SDC4: variants seen among roughly 807,000 people sequenced by gnomAD.
The protein encoded by SDC4 is syndecan 4, also known as syndecan-4.
Under a neutral mutation model 20.5 loss-of-function variants are expected in SDC4, and 17 were observed. The observed-to-expected ratio is 0.83, with a 90% CI of 0.57 to 1.25. The LOEUF (loss-of-function observed/expected upper bound fraction) is 1.25, where lower values mean the gene tolerates loss of function less well. SDC4 is among the 50% of genes most tolerant of loss of function. SDC4 has a pLI of 0.00. For missense variants in SDC4, 241 were observed against 252.3 expected (o/e 0.96, Z 0.30); for synonymous variants, 107 against 105.3 (o/e 1.02, Z -0.10).
At position 45,333,008 on chromosome 20, in the gene SDC4, C is replaced by G; in HGVS notation, c.246+15G>C. The stretch of plus-strand genomic sequence containing the variant: ...AGGAGCAAAGTGGAAGAGGCAGAAG[C>G]ATGTAGCTACTTACCAAGGGATGGA... On this transcript the variant is annotated intron_variant, in intron 3 of 4. Coordinates refer to ENST00000372733, the MANE Select transcript of SDC4 (RefSeq NM_002999.4). 1 of 1,613,518 alleles carries G rather than the reference C, an allele frequency of 6.2e-7. No homozygotes were observed. Among genetic ancestry groups the G allele is most frequent in the Non-Finnish European group, 8.5e-7 (1 of 1,179,392 alleles).
chr20:45,347,106 G>A (rs879001325), intron 1 of SDC4, among the ~76,000 whole-genome samples: 2 of 152,116 alleles, frequency 1.3e-5, no homozygotes, highest in East Asian at 1.9e-4. Context: ...CGACAAAGGC[G>A]CTCCACGTTT....
chr20:45,331,120 G>A (rs1987771206), intron 3 of SDC4, among the ~76,000 whole-genome samples: 1 of 152,144 alleles, frequency 6.6e-6, no homozygotes, highest in Non-Finnish European at 1.5e-5. Context: ...CCCCTTTCTG[G>A]TAACATCTTT....
At chr20:45,327,493 T>C (rs576170685) in intron 4 of SDC4, 78 bp from the exon 5 acceptor site, 1 of 1,465,780 alleles carries the variant, frequency 6.8e-7, no homozygotes, top group South Asian at 1.3e-5. Context: ...TTTCCCCCAC[T>C]GTCAGTTCTC....
chr20:45,336,568 G>C (rs996135370), intron 1 of SDC4, among the ~76,000 whole-genome samples: 1 of 152,094 alleles, frequency 6.6e-6, no homozygotes, highest in African/African-American at 2.4e-5. Flanking sequence ...ATTTTCTTTT[G>C]GTGACACAGC....
At chr20:45,331,282 C>T (rs1458410316) in intron 3 of SDC4, among the ~76,000 whole-genome samples, 1 of 152,132 alleles carries the variant, frequency 6.6e-6, no homozygotes, top group East Asian at 1.9e-4. Flanking sequence ...GACTGAACCC[C>T]TCTCTACCAT....
In SDC4 at chr20:45,335,847, T is replaced by C. The variant is rs781092270; in HGVS notation, c.134A>G (p.Asp45Gly). The C allele has an allele frequency of 1.9e-6, 3 of 1,613,926 alleles. No homozygotes were observed. Among genetic ancestry groups the C allele is most frequent in the East Asian group, 2.2e-5 (1 of 44,858 alleles). Residue 45 changes from aspartate to glycine, a missense_variant, in exon 2 of 5, where the codon GAT becomes GGT. Coordinates refer to ENST00000372733, the MANE Select transcript of SDC4 (RefSeq NM_002999.4). Reference sequence around the variant, plus strand: ...CTGCCCGGGCCCCACTACATCCTCATCGTCTGGTAGGGCTCCGGAGAAGTA... The same window carrying C: ...CTGCCCGGGCCCCACTACATCCTCACCGTCTGGTAGGGCTCCGGAGAAGTA... Reference protein sequence around the residue: ...GRYFSGALPDDEDVVGPGQES... With the variant: ...GRYFSGALPDGEDVVGPGQES...
chr20:45,337,430 A>G (rs1987888518), intron 1 of SDC4, among the ~76,000 whole-genome samples: 2 of 152,166 alleles, frequency 1.3e-5, no homozygotes, highest in South Asian at 4.1e-4. Flanking sequence ...GGACCCAAGG[A>G]GCTCCTGTCC....
At chr20:45,333,356 C>G (rs547072405) in intron 2 of SDC4, among the ~76,000 whole-genome samples, 2 of 152,154 alleles carry the variant, frequency 1.3e-5, no homozygotes, top group Non-Finnish European at 2.9e-5. Flanking sequence ...ATAGCAACAC[C>G]TGAGAGCTGG....
intron 1 of SDC4, among the ~76,000 whole-genome samples, chr20:45,342,551 G>C (rs1391237613): frequency 6.6e-6 from 1 of 152,170 alleles, no homozygotes; most frequent in African/African-American, 2.4e-5. Context: ...TACTGTGCCA[G>C]AGAAAACTGG....
chr20:45,330,369 C>T lies in SDC4; in HGVS notation c.442G>A (p.Ala148Thr). ...SNIFERTEVL[A>T]ALIVGGIVGI... is the part of the protein sequence containing the mutation. Reference sequence around the variant, plus strand: ...TATAAGCAGCATGGGGACTTACCTGCCAGGACCTCCGTTCTCTCAAAGATG... The same window carrying T: ...TATAAGCAGCATGGGGACTTACCTGTCAGGACCTCCGTTCTCTCAAAGATG... The change falls in exon 4 of 5, where the codon GCA becomes ACA. Residue 148 changes from alanine to threonine, a missense_variant. Ala to Thr is a moderately conservative substitution (Grantham distance 58). Transcript: ENST00000372733. 6.2e-7 allele frequency: 1 copy of T among 1,613,914 alleles called. No individual in the cohort carries two copies. Among genetic ancestry groups the T allele is most frequent in the Non-Finnish European group, 8.5e-7 (1 of 1,179,982 alleles).
intron 2 of SDC4, 100 bp downstream of exon 2, chr20:45,335,682 C>A (rs2145711874): frequency 7.6e-7 from 1 of 1,312,366 alleles, no homozygotes; most frequent in Non-Finnish European, 1.1e-6. Flanking sequence ...GGAAAAGTCC[C>A]ACAAAAATCC....
intron 1 of SDC4, among the ~76,000 whole-genome samples, chr20:45,343,468 C>T (rs1016444297): frequency 6.6e-6 from 1 of 152,206 alleles, no homozygotes; most frequent in Non-Finnish European, 1.5e-5. Flanking sequence ...AAACCCCCTG[C>T]CCCCTCTCCC....
In SDC4 at chr20:45,337,355, T is replaced by A. The variant is rs148874508; in HGVS notation, c.61-1435A>T. 4.6e-5 allele frequency among the ~76,000 whole-genome samples: 7 copies of A among 152,272 alleles called. 1 individual carries two copies. The highest frequency in any genetic ancestry group is 1.7e-4 in the African/African-American group (7 of 41,562). On this transcript the variant is annotated intron_variant, in intron 1 of 4. Transcript: ENST00000372733. The stretch of plus-strand genomic sequence containing the variant: ...ACCATGCCCCTCCCGCTGAAAGACA[T>A]TCCCATCTTCTCCAGACGCCATAAC...
rs190498385 is a variant in SDC4 at position 45,325,812 on chromosome 20, A to G, written c.*1452T>C. The G allele has an allele frequency of 2.0e-4, 30 of 152,532 alleles. No individual in the cohort carries two copies. The highest frequency in any genetic ancestry group is 1.6e-3 in the Admixed American group (24 of 15,308). 9.4% of individuals were successfully genotyped at this position (152,532 alleles called of 1,614,324 possible). On this transcript the variant is annotated 3_prime_UTR_variant, in exon 5 of 5. Transcript: ENST00000372733. Reference sequence around the variant, plus strand: ...CGTGGTTAGTGCAACTGAGGAAGGAATTTTTAATCTTATGTGATTTTAATT... The same window carrying G: ...CGTGGTTAGTGCAACTGAGGAAGGAGTTTTTAATCTTATGTGATTTTAATT...
rs1166788989 is a variant in SDC4, at chr20:45,330,482, T to G, written c.329A>C (p.Glu110Ala). Residue 110 changes from glutamate (E) to alanine (A), a missense_variant, in exon 4 of 5, where the codon GAG becomes GCG. Coordinates refer to ENST00000372733, the MANE Select transcript of SDC4 (RefSeq NM_002999.4). ...PTEPKKLEEN[E>A]VIPKRISPVE... is the part of the protein sequence containing the mutation. ...GGGTGAGATTCTCTTGGGGATAACCTCATTCTCCTCTAGTTTCTTGGGTTC... is the reference window on the plus strand; with the variant it reads ...GGGTGAGATTCTCTTGGGGATAACCGCATTCTCCTCTAGTTTCTTGGGTTC... The G allele has an allele frequency of 6.2e-7, 1 of 1,614,210 alleles. No individual in the cohort carries two copies. Among genetic ancestry groups the G allele is most frequent in the South Asian group, 1.1e-5 (1 of 91,082 alleles).
rs780238663 is a variant in SDC4, at chr20:45,330,509, G to T, written c.302C>A (p.Thr101Asn). 1.2e-6 allele frequency: 2 copies of T among 1,614,174 alleles called. No homozygotes were observed. Among genetic ancestry groups the T allele is most frequent in the Non-Finnish European group, 8.5e-7 (1 of 1,180,042 alleles). The change falls in exon 4 of 5, where the codon ACC becomes AAC. Residue 101 changes from threonine (T) to asparagine (N), a missense_variant. Coordinates refer to ENST00000372733, the MANE Select transcript of SDC4 (RefSeq NM_002999.4). Reference sequence around the variant, plus strand: ...ATTCTCCTCTAGTTTCTTGGGTTCGGTGGGGACTTGGCTCCCAGACCCTGC... The same window carrying T: ...ATTCTCCTCTAGTTTCTTGGGTTCGTTGGGGACTTGGCTCCCAGACCCTGC... The part of the protein sequence containing the change: ...ERAGSGSQVP[T>N]EPKKLEENEV...
intron 1 of SDC4, among the ~76,000 whole-genome samples, chr20:45,337,068 G>T (rs879294210): frequency 3.3e-5 from 5 of 152,128 alleles, no homozygotes; most frequent in African/African-American, 9.7e-5. Flanking sequence ...CCAAAAGAAA[G>T]TGTCAAAGGT....
intron 2 of SDC4, among the ~76,000 whole-genome samples, chr20:45,334,850 C>T (rs1987837014): frequency 6.6e-6 from 1 of 152,106 alleles, no homozygotes; most frequent in South Asian, 2.1e-4. Flanking sequence ...GTGCCAAAAG[C>T]TTTAAGTCAG....
At chr20:45,327,643 G>C (rs866556289) in intron 4 of SDC4, among the ~76,000 whole-genome samples, 1 of 152,030 alleles carries the variant, frequency 6.6e-6, no homozygotes. Context: ...CTAGTGGTAA[G>C]GCCACTCCTT....
Sources: allele counts gnomAD v4.1 joint callset (sites outside exome capture counted in the v4.1 genomes callset), GRCh38; gene constraint gnomAD v4.1.1; transcripts MANE v1.5; gene names NCBI Gene and HGNC (gene_info 2026-07-23, HGNC 2026-07-21).